MEP1A: variants seen among roughly 807,000 people sequenced by gnomAD.
MEP1A encodes N-benzoyl-L-tyrosyl-P-amino-benzoic acid hydrolase subunit alpha.
MEP1A carries 68 observed loss-of-function variants against 84.5 expected under a neutral mutation model. The ratio of observed to expected loss-of-function variants is 0.80; its 90% CI spans 0.66 to 0.98. The LOEUF is 0.98. Among genes scored for constraint, MEP1A ranks in the 50% least tolerant of loss-of-function variants. The probability of loss-of-function intolerance (pLI) is 0.00; values close to 1 mark genes in which losing one functional copy is unlikely to be tolerated. For missense variants in MEP1A, 887 were observed against 919.9 expected, an observed-to-expected ratio of 0.96 and a Z score of 0.46; for synonymous variants, 337 against 336.8, an observed-to-expected ratio of 1.00 and a Z score of -0.01.
chr6:46,794,376 T>G (rs1277516167), intron 3 of MEP1A, among the ~76,000 whole-genome samples: 1 of 152,226 alleles, frequency 6.6e-6, no homozygotes, highest in Non-Finnish European at 1.5e-5. Context: ...TACAAAAGCT[T>G]TTATATGCAA....
chr6:46,820,137 G>A (rs997490944), intron 7 of MEP1A, among the ~76,000 whole-genome samples: 4 of 152,028 alleles, frequency 2.6e-5, no homozygotes. Flanking sequence ...ATTTTTTCCA[G>A]TTGCTTTACC....
chr6:46,828,636 GT>G (rs1406350937), intron 9 of MEP1A, among the ~76,000 whole-genome samples: 6 of 152,146 alleles, frequency 3.9e-5, no homozygotes, highest in Non-Finnish European at 1.5e-5. Context: ...CAAGTGTGTG[GT>G]TTACCAAACG....
intron 5 of MEP1A, among the ~76,000 whole-genome samples, chr6:46,803,841 T>C (rs1166881741): frequency 6.6e-6 from 1 of 151,686 alleles, no homozygotes; most frequent in East Asian, 1.9e-4. Context: ...ATTTATCTTG[T>C]GAATATTTTC....
intron 9 of MEP1A, among the ~76,000 whole-genome samples, chr6:46,827,129 A>G (rs1309947593): frequency 2.0e-5 from 3 of 152,214 alleles, no homozygotes; most frequent in Non-Finnish European, 4.4e-5. Context: ...ACTGTATTGG[A>G]TAGCATAGCT....
intron 5 of MEP1A, among the ~76,000 whole-genome samples, 192 bp from the exon 6 acceptor site, chr6:46,809,228 C>T (rs975365795): frequency 1.3e-5 from 2 of 151,882 alleles, no homozygotes; most frequent in African/African-American, 4.8e-5. Context: ...ATGTTTATGC[C>T]CACAACTAAT....
intron 5 of MEP1A, among the ~76,000 whole-genome samples, chr6:46,806,168 C>G (rs1767313277): frequency 6.6e-6 from 1 of 151,938 alleles, no homozygotes; most frequent in African/African-American, 2.4e-5. Flanking sequence ...TCTGTTAAGT[C>G]TAACATTTTA....
intron 5 of MEP1A, among the ~76,000 whole-genome samples, chr6:46,800,553 G>A (rs566023192): frequency 2.4e-4 from 37 of 152,256 alleles, no homozygotes; most frequent in Non-Finnish European, 4.6e-4. Context: ...AAGGTATTAA[G>A]GATACAGCAG....
the MEP1A span, among the ~76,000 whole-genome samples, chr6:46,845,661 T>G: frequency 4.6e-5 from 7 of 152,242 alleles, no homozygotes; most frequent in Non-Finnish European, 7.3e-5. Flanking sequence ...TCTGTGGACC[T>G]CATAAATTTC....
intron 5 of MEP1A, among the ~76,000 whole-genome samples, chr6:46,807,240 GT>G (rs1767345945): frequency 6.6e-6 from 1 of 151,808 alleles, no homozygotes; most frequent in South Asian, 2.1e-4. Context: ...AATGCTAGTG[GT>G]TTTCAAAACT....
At chr6:46,844,026 T>C (rs867486527), downstream of MEP1A, among the ~76,000 whole-genome samples, 6 of 152,238 alleles carry the variant, frequency 3.9e-5, no homozygotes, top group Middle Eastern at 3.2e-3. Context: ...TTGGTTTTCT[T>C]TATTAGGTAT....
At chr6:46,845,527 A>T in the MEP1A span, among the ~76,000 whole-genome samples, 2 of 152,222 alleles carry the variant, frequency 1.3e-5, no homozygotes, top group African/African-American at 4.8e-5. Context: ...AATGGATATA[A>T]TTATTTCTAC....
At position 46,833,174 on chromosome 6, in the gene MEP1A, A is replaced by G; in HGVS notation, c.1245A>G (p.Ser415=). 1.2e-6 allele frequency: 2 copies of G among 1,607,466 alleles called. No individual in the cohort carries two copies. Among genetic ancestry groups the G allele is most frequent in the Non-Finnish European group, 1.7e-6 (2 of 1,177,052 alleles). The change falls in exon 11 of 14, where the codon TCA becomes TCG. Residue 415 remains serine (S), a synonymous_variant. Transcript: ENST00000230588. ...GCACAAAAGGCGACCCTCAGAACTC[A>G]ACTGGGGGAATTTACCTAGATGACA... ...FQGTKGDPQN[S]TGGIYLDDIT... is the part of the protein sequence containing the mutation.
intron 7 of MEP1A, among the ~76,000 whole-genome samples, chr6:46,824,285 C>T (rs935415880): frequency 3.3e-5 from 5 of 151,614 alleles, no homozygotes; most frequent in African/African-American, 7.3e-5. Flanking sequence ...CAGATACACA[C>T]GTATTTATAT....
intron 10 of MEP1A, 52 bp downstream of exon 10, chr6:46,829,623 T>C: frequency 1.5e-6 from 2 of 1,320,880 alleles, no homozygotes; most frequent in Non-Finnish European, 2.2e-6. Context: ...TCCGGGATCC[T>C]GCTTCTTCTC....
chr6:46,826,716 G>T (rs1767956561), intron 9 of MEP1A, among the ~76,000 whole-genome samples: 1 of 152,284 alleles, frequency 6.6e-6, no homozygotes, highest in Admixed American at 6.5e-5. Context: ...AAGCAAAACT[G>T]ATATTAGTAT....
At chr6:46,822,437 A>G (rs1419629007) in intron 7 of MEP1A, among the ~76,000 whole-genome samples, 3 of 152,178 alleles carry the variant, frequency 2.0e-5, no homozygotes, top group African/African-American at 7.2e-5. Context: ...CCCAACAAAA[A>G]CATGTTGAAT....
the MEP1A span, among the ~76,000 whole-genome samples, chr6:46,844,928 TAGTA>T: frequency 0.33 from 50,465 of 151,632 alleles, 8,675 homozygotes; most frequent in East Asian, 0.44. Context: ...GTTCTTGTGA[TAGTA>T]AGTGAGTTCT....
chr6:46,839,085 C>T lies in MEP1A; in HGVS notation c.2190C>T (p.Ile730=), dbSNP rs1316643626. Residue 730 remains isoleucine (I), a synonymous_variant, in exon 14 of 14, where the codon ATC becomes ATT. Coordinates refer to ENST00000230588, the MANE Select transcript of MEP1A (RefSeq NM_005588.3). ...TGATCGGAGGCACGGCTGGCGTGAT[C>T]TTCTTGACCTTCTCCATCATCGCCA... ...GMVIGGTAGV[I]FLTFSIIAIL... is the part of the protein sequence containing the mutation. 6.2e-7 allele frequency: 1 copy of T among 1,613,178 alleles called. No homozygotes were observed. The highest frequency in any genetic ancestry group is 8.5e-7 in the Non-Finnish European group (1 of 1,179,836).
intron 13 of MEP1A, among the ~76,000 whole-genome samples, chr6:46,837,809 T>G (rs1470598436): frequency 6.6e-6 from 1 of 152,136 alleles, no homozygotes; most frequent in Non-Finnish European, 1.5e-5. Context: ...TACTCACTGA[T>G]TTCTAAGAAG....
Sources: allele counts gnomAD v4.1 joint callset (sites outside exome capture counted in the v4.1 genomes callset), GRCh38; gene constraint gnomAD v4.1.1; transcripts MANE v1.5; gene names NCBI Gene and HGNC (gene_info 2026-07-23, HGNC 2026-07-21).